Variants in HPCAL1 observed in about 807,000 individuals in gnomAD.
The protein encoded by HPCAL1 is hippocalcin-like protein 1.
Under a neutral mutation model 17.1 loss-of-function variants are expected in HPCAL1, and 8 were observed. That is an observed-to-expected ratio of 0.47 (90% confidence interval 0.27 to 0.84). HPCAL1 has a LOEUF of 0.84. HPCAL1 is among the 40% of genes least tolerant of loss of function. The pLI is 0.13. For missense variants in HPCAL1, 165 were observed against 271.1 expected, an observed-to-expected ratio of 0.61 and a Z score of 2.75; for synonymous variants, 112 against 111.4, an observed-to-expected ratio of 1.01 and a Z score of -0.03.
At position 10,344,698 on chromosome 2, in the gene HPCAL1, T is replaced by C. The variant is rs1211619092; in HGVS notation, c.-111+41521T>C. Among the ~76,000 whole-genome samples, 1 of 152,156 alleles carries C rather than the reference T, an allele frequency of 6.6e-6. No homozygotes were observed. Among genetic ancestry groups the C allele is most frequent in the African/African-American group, 2.4e-5 (1 of 41,436 alleles). On this transcript the variant is annotated intron_variant, in intron 1 of 4. Coordinates refer to ENST00000307845, the MANE Select transcript of HPCAL1 (RefSeq NM_002149.4). This position sits in a 1 kb window ranked among gnomAD's most constrained non-coding sequence, Gnocchi z 4.9. ...TCCCTTCCTCCCAGGACTTGCTCTG[T>C]CTCTGTCTCTTTCTCTGTGTCTGTC...
chr2:10,406,769 A>C (rs542817191), intron 2 of HPCAL1, among the ~76,000 whole-genome samples: 1 of 152,368 alleles, frequency 6.6e-6, no homozygotes, highest in South Asian at 2.1e-4. Flanking sequence ...TCACAGGGAC[A>C]GACGTACATG....
In HPCAL1 at chr2:10,386,129, G is replaced by A. The variant is rs546201116; in HGVS notation, c.-110-10706G>A. 3.9e-5 allele frequency among the ~76,000 whole-genome samples: 6 copies of A among 152,298 alleles called. No homozygotes were observed. The South Asian group carries it at 1.0e-3, about 26-fold the overall frequency. On this transcript the variant is annotated intron_variant, in intron 1 of 4. Transcript: ENST00000307845. The stretch of plus-strand genomic sequence containing the variant: ...CATGGGCCAGCCACACCCCAGCCTA[G>A]GTTGCTCCCTCACCTCCTCAGGGCC...
intron 1 of HPCAL1, among the ~76,000 whole-genome samples, chr2:10,334,171 T>G (rs1449952905): frequency 6.6e-5 from 10 of 152,212 alleles, no homozygotes; most frequent in Admixed American, 6.5e-4. Context: ...AAACATTAGT[T>G]TTTATGTGTT....
At chr2:10,326,541 G>A (rs1445415781) in intron 1 of HPCAL1, among the ~76,000 whole-genome samples, 4 of 152,176 alleles carry the variant, frequency 2.6e-5, no homozygotes, top group Admixed American at 6.5e-5. Context: ...TTCCGCTTCC[G>A]TGCCATGAGC....
chr2:10,371,325 C>A (rs1013512405), intron 1 of HPCAL1, among the ~76,000 whole-genome samples: 2 of 148,110 alleles, frequency 1.4e-5, no homozygotes, highest in East Asian at 2.0e-4. Flanking sequence ...CACCTGCCCC[C>A]GTCTTTTACC....
At chr2:10,382,593 TAAAA>T (rs70948887) in intron 1 of HPCAL1, among the ~76,000 whole-genome samples, 295 of 128,000 alleles carry the variant, frequency 2.3e-3, no homozygotes, top group Non-Finnish European at 3.2e-3. Flanking sequence ...GTTCATTAAT[TAAAA>T]AAAAAAAAAA....
rs953223308 is a variant in HPCAL1, at chr2:10,395,810, A to T, written c.-110-1025A>T. On this transcript the variant is annotated intron_variant, in intron 1 of 4. Transcript: ENST00000307845. The surrounding 1 kb of genome is among the most constrained non-coding windows in gnomAD (Gnocchi z 4.4). ...ATTTTTCCCCGTCTGTCAAATGGGG[A>T]TGATGATTGTGCCTGCCTCCCAGGG... 3.3e-5 allele frequency among the ~76,000 whole-genome samples: 5 copies of T among 151,986 alleles called. No individual in the cohort carries two copies. The highest frequency in any genetic ancestry group is 1.2e-4 in the African/African-American group (5 of 41,366).
intron 1 of HPCAL1, chr2:10,368,804 C>G (rs1266102875): frequency 6.6e-6 from 1 of 152,120 alleles, no homozygotes; most frequent in Non-Finnish European, 1.5e-5. Flanking sequence ...GCAGCCTGCT[C>G]CGGCAGCTCC....
At chr2:10,391,374 C>T (rs1454964553) in intron 1 of HPCAL1, among the ~76,000 whole-genome samples, 1 of 152,218 alleles carries the variant, frequency 6.6e-6, no homozygotes, top group Admixed American at 6.5e-5. Context: ...CTCCTGTCCA[C>T]TGGCATATAG....
Position 10,304,854 on chromosome 2 carries a change from C to T in HPCAL1, c.-111+1677C>T, listed in dbSNP as rs965280801. On this transcript the variant is annotated intron_variant, in intron 1 of 4. Coordinates refer to ENST00000307845, the MANE Select transcript of HPCAL1 (RefSeq NM_002149.4). This position sits in a 1 kb window ranked among gnomAD's most constrained non-coding sequence, Gnocchi z 4.1. ...GCAGGAGGCTCTCAAAATGGAGCGC[C>T]GGCATGGGGTTGGGCTGCGGAGGGG... Among the ~76,000 whole-genome samples, 2 of 152,130 alleles carry T rather than the reference C, an allele frequency of 1.3e-5. No homozygotes were observed. Among genetic ancestry groups the T allele is most frequent in the African/African-American group, 4.8e-5 (2 of 41,430 alleles).
intron 2 of HPCAL1, among the ~76,000 whole-genome samples, chr2:10,418,639 C>T (rs1670833029): frequency 6.6e-6 from 1 of 152,082 alleles, no homozygotes; most frequent in Non-Finnish European, 1.5e-5. Context: ...ATTTCTCATT[C>T]TTCCATGTAC....
chr2:10,345,219 C>A (rs1441117753), intron 1 of HPCAL1, among the ~76,000 whole-genome samples: 1 of 151,958 alleles, frequency 6.6e-6, no homozygotes, highest in Non-Finnish European at 1.5e-5. Flanking sequence ...CTTTCTGTCT[C>A]TCTGTGTGTG....
Position 10,362,471 on chromosome 2 carries a change from G to A in HPCAL1, c.-110-34364G>A, listed in dbSNP as rs1054525037. ...TAGACCCCCCGGAATGCAGGGGGCC[G>A]GGCTGAGCAAGAGGAGGAGAGGACA... is the stretch of plus-strand genomic sequence containing the variant. On this transcript the variant is annotated intron_variant, in intron 1 of 4. Transcript: ENST00000307845. The surrounding 1 kb of genome is among the most constrained non-coding windows in gnomAD (Gnocchi z 5.0). Among the ~76,000 whole-genome samples the A allele has an allele frequency of 2.6e-5, 4 of 152,186 alleles. No individual in the cohort carries two copies. Among genetic ancestry groups the A allele is most frequent in the African/African-American group, 4.8e-5 (2 of 41,440 alleles).
At chr2:10,399,436 C>T (rs796698677) in intron 2 of HPCAL1, among the ~76,000 whole-genome samples, 8 of 76,664 alleles carry the variant, frequency 1.0e-4, no homozygotes, top group Admixed American at 4.2e-4. Context: ...ACCACCACCA[C>T]CACCATCACC....
chr2:10,334,183 G>T (rs1352614251), intron 1 of HPCAL1, among the ~76,000 whole-genome samples: 1 of 152,208 alleles, frequency 6.6e-6, no homozygotes, highest in Non-Finnish European at 1.5e-5. Flanking sequence ...TTATGTGTTA[G>T]AAATACTCAT....
chr2:10,374,671 CT>C (rs1459679176), intron 1 of HPCAL1, among the ~76,000 whole-genome samples: 1 of 152,238 alleles, frequency 6.6e-6, no homozygotes, highest in Admixed American at 6.5e-5. Context: ...TCTGAGAAGG[CT>C]TCTTGGAAAG....
intron 1 of HPCAL1, among the ~76,000 whole-genome samples, chr2:10,339,328 T>C (rs1664922261): frequency 6.6e-6 from 1 of 151,668 alleles, no homozygotes; most frequent in South Asian, 2.1e-4. Context: ...AATTTTTTTT[T>C]TTTTTTGAGA....
intron 1 of HPCAL1, among the ~76,000 whole-genome samples, chr2:10,326,765 G>A (rs1664044542): frequency 1.3e-5 from 2 of 152,294 alleles, no homozygotes; most frequent in South Asian, 4.2e-4. Flanking sequence ...GGTCCCTTTG[G>A]GCAGAATCTG....
chr2:10,426,304 C>T (rs923517787), intron 4 of HPCAL1: 14 of 189,530 alleles, frequency 7.4e-5, no homozygotes, highest in Admixed American at 5.6e-4. Context: ...ACGCTGATGC[C>T]AGGGAGGATC....
Sources: gnomAD v4.1 joint callset for allele counts (sites outside exome capture counted in the v4.1 genomes callset) on GRCh38, gnomAD v4.1.1 for gene constraint, Gnocchi (gnomAD v3.1) non-coding constraint, MANE v1.5 for transcripts, NCBI Gene and HGNC (gene_info 2026-07-23, HGNC 2026-07-21) for gene names.